FAN1: variants seen among roughly 807,000 people sequenced by gnomAD.
FAN1 encodes the protein FANCD2 and FANCI associated nuclease 1, also known as fanconi-associated nuclease 1.
FAN1 carries 91 observed loss-of-function variants against 104.9 expected under a neutral mutation model. That is an observed-to-expected ratio of 0.87 (90% confidence interval 0.73 to 1.03). The LOEUF is 1.03. FAN1 is among the 50% of genes least tolerant of loss of function. The pLI, the probability that FAN1 is intolerant of heterozygous loss-of-function variation, is 0.00. For synonymous variants in FAN1, 478 were observed against 457.6 expected, an observed-to-expected ratio of 1.04 and a Z score of -0.57; for missense variants, 1,263 against 1,239.9, an observed-to-expected ratio of 1.02 and a Z score of -0.28.
intron 13 of FAN1, among the ~76,000 whole-genome samples, chr15:30,931,733 T>C (rs773732837): frequency 2.0e-5 from 3 of 152,138 alleles, no homozygotes; most frequent in Non-Finnish European, 2.9e-5. Flanking sequence ...GTAACCCATA[T>C]ATATGTGGGT....
Position 30,925,118 on chromosome 15 carries a change from C to T in FAN1, c.2173-9C>T, listed in dbSNP as rs1223319139. On this transcript the variant is annotated splice_polypyrimidine_tract_variant and intron_variant, in intron 8 of 14. Transcript: ENST00000362065. ...TAGGAGCCTGATGTGTGACCATGCTCTCTGCCAGACTATCAAGTGCATCAC... is the reference window on the plus strand; with the variant it reads ...TAGGAGCCTGATGTGTGACCATGCTTTCTGCCAGACTATCAAGTGCATCAC... 5 of 1,607,666 alleles carry T rather than the reference C, an allele frequency of 3.1e-6. No individual in the cohort carries two copies. In the South Asian group the frequency reaches 4.4e-5, roughly 14 times the overall value.
rs118089305 is a variant in FAN1 at position 30,912,434 on chromosome 15, C to T, written c.1578-1424C>T. On this transcript the variant is annotated intron_variant, in intron 4 of 14. Transcript: ENST00000362065. The stretch of plus-strand genomic sequence containing the variant: ...GCTTAGTTTTCTGTGTTTAATGCTT[C>T]CTTTTGCAGACTGGAGGCTGTGTCC... 0.014 allele frequency among the ~76,000 whole-genome samples: 2,198 copies of T among 152,314 alleles called. 21 individuals carry two copies. Among genetic ancestry groups the T allele is most frequent in the Non-Finnish European group, 0.021 (1,432 of 68,024 alleles).
intron 12 of FAN1, 57 bp from the exon 13 acceptor site, chr15:30,930,486 C>T (rs1409958003): frequency 6.5e-7 from 1 of 1,545,906 alleles, no homozygotes; most frequent in African/African-American, 1.4e-5. Context: ...TCCCTGGAGC[C>T]TATTTCCATT....
rs745714118 is a variant in FAN1, at chr15:30,904,542, A to T, written c.-122A>T. ...AGAAATTGTCGAGACGAATAACATGAGGTCATATAGAATCCCACTTTTGGT... is the reference window on the plus strand; with the variant it reads ...AGAAATTGTCGAGACGAATAACATGTGGTCATATAGAATCCCACTTTTGGT... On this transcript the variant is annotated 5_prime_UTR_variant, in exon 2 of 15. Coordinates refer to ENST00000362065, the MANE Select transcript of FAN1 (RefSeq NM_014967.5). The T allele has an allele frequency of 1.1e-6, 1 of 882,906 alleles. No homozygotes were observed. Among genetic ancestry groups the T allele is most frequent in the Non-Finnish European group, 1.9e-6 (1 of 528,566 alleles). The allele number at this position is 882,906 out of a possible 1,614,324, so 54.7% of individuals were successfully genotyped here.
intron 6 of FAN1, among the ~76,000 whole-genome samples, chr15:30,919,361 C>T (rs1271812191): frequency 8.7e-6 from 1 of 115,256 alleles, no homozygotes; most frequent in Non-Finnish European, 1.7e-5. Flanking sequence ...GCCTGGGCCA[C>T]GAGCAAAACT....
At chr15:30,915,390 G>C (rs2062179150) in intron 5 of FAN1, among the ~76,000 whole-genome samples, 1 of 152,142 alleles carries the variant, frequency 6.6e-6, no homozygotes, top group African/African-American at 2.4e-5. Flanking sequence ...AGCAGTGTAG[G>C]ATGACTATAA....
chr15:30,930,591 C>CA lies in FAN1; in HGVS notation c.2837dup (p.His946GlnfsTer5). 6.2e-7 allele frequency: 1 copy of CA among 1,612,996 alleles called. No homozygotes were observed. Among genetic ancestry groups the CA allele is most frequent in the Non-Finnish European group, 8.5e-7 (1 of 1,179,618 alleles). On this transcript the variant is annotated frameshift_variant, in exon 13 of 15. Coordinates refer to ENST00000362065, the MANE Select transcript of FAN1 (RefSeq NM_014967.5). LOFTEE classifies it high-confidence loss of function. Reference sequence around the variant, plus strand: ...CCCTGTGCTCAGTGGTGTGTGCAGGCACCTGGCTGCTGACTTTCGACACTG... The same window carrying CA: ...CCCTGTGCTCAGTGGTGTGTGCAGGCAACCTGGCTGCTGACTTTCGACACTG...
At chr15:30,929,756 TA>T (rs1279230104) in intron 12 of FAN1, among the ~76,000 whole-genome samples, 1 of 35,916 alleles carries the variant, frequency 2.8e-5, no homozygotes, top group African/African-American at 1.5e-4. Context: ...ATATATAATA[TA>T]ATATATAAAA....
chr15:30,936,675 T>C (rs1417082488), intron 13 of FAN1, among the ~76,000 whole-genome samples: 1 of 152,218 alleles, frequency 6.6e-6, no homozygotes, highest in East Asian at 1.9e-4. Flanking sequence ...TGAAAATGCA[T>C]TTAACATATT....
intron 14 of FAN1, 73 bp downstream of exon 14, chr15:30,937,332 TTTG>T (rs1221602484): frequency 5.3e-5 from 75 of 1,413,304 alleles, no homozygotes; most frequent in Non-Finnish European, 7.1e-5. Flanking sequence ...TTTATTTAAT[TTTG>T]TTATCGTGCA....
At chr15:30,925,349 A>G in intron 9 of FAN1, 58 bp downstream of exon 9, 1 of 1,496,078 alleles carries the variant, frequency 6.7e-7, no homozygotes. Context: ...GTTTTTTTGG[A>G]CCAGAAGCAT....
chr15:30,910,467 C>A lies in FAN1; in HGVS notation c.1376-147C>A, dbSNP rs1205216378. On this transcript the variant is annotated intron_variant, in intron 3 of 14. Coordinates refer to ENST00000362065, the MANE Select transcript of FAN1 (RefSeq NM_014967.5). ...AGTGTTATTAATACGTTAATAATACCATGTTAATAATTCCACATTTAATGA... is the reference window on the plus strand; with the variant it reads ...AGTGTTATTAATACGTTAATAATACAATGTTAATAATTCCACATTTAATGA... The A allele has an allele frequency of 6.4e-5, 35 of 544,778 alleles. No individual in the cohort carries two copies. The Admixed American group carries it at 1.1e-3, about 18-fold the overall frequency. 33.7% of individuals were successfully genotyped at this position (544,778 alleles called of 1,614,324 possible).
rs1361076911 is a variant in FAN1, at chr15:30,930,521, CTG to C, written c.2788-20_2788-19del. 8.9e-6 allele frequency: 14 copies of C among 1,570,288 alleles called. No individual in the cohort carries two copies. Among genetic ancestry groups the C allele is most frequent in the Non-Finnish European group, 1.1e-5 (13 of 1,164,432 alleles). On this transcript the variant is annotated intron_variant, in intron 12 of 14. Transcript: ENST00000362065. ...TCTCTGTCACGAGGGAAGTGGCTAA[CTG>C]TCCTGTGTTTTGTGTTCAGGATCTT...
intron 14 of FAN1, chr15:30,939,564 C>G: frequency 1.0e-6 from 1 of 960,672 alleles, no homozygotes; most frequent in Non-Finnish European, 1.2e-6. Context: ...GATTATCATA[C>G]AAAAATATGC....
rs745548375 is a variant in FAN1 at position 30,904,671 on chromosome 15, C to A, written c.8C>A (p.Ser3Ter). Residue 3 changes from serine (S) to a stop codon, truncating the protein, a stop_gained, in exon 2 of 15, where the codon TCA becomes TAA. Coordinates refer to ENST00000362065, the MANE Select transcript of FAN1 (RefSeq NM_014967.5). LOFTEE classifies it high-confidence loss of function. MM[S>*]EGKPPDKKRP... ...CCAGTTTTTCTAATACTCATGATGT[C>A]AGAAGGGAAACCTCCTGACAAAAAA... is the stretch of plus-strand genomic sequence containing the variant. 9.3e-6 allele frequency: 15 copies of A among 1,607,364 alleles called. No homozygotes were observed. In the East Asian group the frequency reaches 2.7e-4, roughly 29 times the overall value.
At chr15:30,923,177 C>T (rs1238394778) in intron 8 of FAN1, among the ~76,000 whole-genome samples, 2 of 152,050 alleles carry the variant, frequency 1.3e-5, no homozygotes, top group African/African-American at 2.4e-5. Flanking sequence ...TTTTTATTGC[C>T]GTAAACTGAA....
chr15:30,924,984 C>A, intron 8 of FAN1, 143 bp from the exon 9 acceptor site: 1 of 804,542 alleles, frequency 1.2e-6, no homozygotes, highest in Non-Finnish European at 1.9e-6. Flanking sequence ...AAGGAAACAG[C>A]CTAAATCTCT....
Position 30,904,798 on chromosome 15 carries a change from C to G in FAN1, c.135C>G (p.Pro45=). The stretch of plus-strand genomic sequence containing the variant: ...CACCACCTGCTAAACTTGCCTGCCC[C>G]GTTTGCAGTAAAATGGTGCCTAGAT... ...NNAPPAKLAC[P]VCSKMVPRYD... The change falls in exon 2 of 15, where the codon CCC becomes CCG. Residue 45 remains proline, a synonymous_variant. Transcript: ENST00000362065. 1 of 1,613,660 alleles carries G rather than the reference C, an allele frequency of 6.2e-7. No individual in the cohort carries two copies. The highest frequency in any genetic ancestry group is 8.5e-7 in the Non-Finnish European group (1 of 1,179,612).
chr15:30,939,653 A>G, intron 14 of FAN1: 2 of 845,194 alleles, frequency 2.4e-6, no homozygotes, highest in Non-Finnish European at 2.7e-6. Context: ...ATACTACAAG[A>G]GTTAAAATAA....
Sources: gnomAD v4.1 joint callset for allele counts (sites outside exome capture counted in the v4.1 genomes callset) on GRCh38, gnomAD v4.1.1 for gene constraint, MANE v1.5 for transcripts, NCBI Gene and HGNC (gene_info 2026-07-23, HGNC 2026-07-21) for gene names.